The following GLIS3 variants were observed in gnomAD, a reference collection of about 807,000 sequenced individuals.
GLIS3 encodes GLIS family zinc finger 3, also known as zinc finger protein GLIS3.
A neutral mutation model predicts 78.6 loss-of-function variants in GLIS3; 53 were observed. The ratio of observed to expected loss-of-function variants is 0.67; its 90% CI spans 0.54 to 0.85. The LOEUF (loss-of-function observed/expected upper bound fraction) is 0.85. GLIS3 is among the 40% of genes least tolerant of loss of function. The pLI is 0.00. For missense variants in GLIS3, 1,703 were observed against 1,231.1 expected (o/e 1.38, Z -5.74); for synonymous variants, 684 against 509.9 (o/e 1.34, Z -4.60).
chr9:3,843,951 A>C (rs1818882186), intron 9 of GLIS3, among the ~76,000 whole-genome samples: 1 of 152,230 alleles, frequency 6.6e-6, no homozygotes, highest in Non-Finnish European at 1.5e-5. Flanking sequence ...ACATCTTGTA[A>C]GGCCTAGTTC....
chr9:3,831,129 C>G (rs549719357), intron 9 of GLIS3, among the ~76,000 whole-genome samples: 3 of 152,134 alleles, frequency 2.0e-5, no homozygotes, highest in African/African-American at 7.2e-5. Flanking sequence ...CTAGAGTGCA[C>G]TTTATATAGA....
At chr9:4,188,377 G>A (rs551794448) in intron 2 of GLIS3, among the ~76,000 whole-genome samples, 3,467 of 149,180 alleles carry the variant, frequency 0.023, 136 homozygotes, top group African/African-American at 0.081. Flanking sequence ...GCTTTTTGAT[G>A]TGCTGCTGGA....
At chr9:4,246,920 C>G (rs1823856611) in intron 2 of GLIS3, among the ~76,000 whole-genome samples, 1 of 152,114 alleles carries the variant, frequency 6.6e-6, no homozygotes, top group South Asian at 2.1e-4. Flanking sequence ...ATTGTTTACC[C>G]AAACATTGGC....
At chr9:3,876,080 GT>G (rs1821289238) in intron 8 of GLIS3, among the ~76,000 whole-genome samples, 1 of 152,004 alleles carries the variant, frequency 6.6e-6, no homozygotes, top group African/African-American at 2.4e-5. Flanking sequence ...TCCCCATAAG[GT>G]GCAATCTAAA....
At chr9:4,411,384 C>G in the GLIS3 span, among the ~76,000 whole-genome samples, 2 of 152,140 alleles carry the variant, frequency 1.3e-5, no homozygotes, top group Admixed American at 6.5e-5. Context: ...CAAAATATTA[C>G]CGGCAGTACT....
intron 5 of GLIS3, among the ~76,000 whole-genome samples, chr9:3,933,392 T>C (rs73386157): frequency 1.3e-5 from 2 of 152,108 alleles, no homozygotes; most frequent in African/African-American, 4.8e-5. Flanking sequence ...AATGAATGAA[T>C]TAAGAGCAGC....
intron 2 of GLIS3, among the ~76,000 whole-genome samples, chr9:4,164,129 G>A (rs1436999598): frequency 6.6e-6 from 1 of 152,272 alleles, no homozygotes; most frequent in East Asian, 1.9e-4. Context: ...ACATTTAACT[G>A]CCTCCTTCAA....
chr9:4,394,344 A>C, the GLIS3 span, among the ~76,000 whole-genome samples: 9 of 151,940 alleles, frequency 5.9e-5, no homozygotes, highest in African/African-American at 2.2e-4. Context: ...TTAAAAAATT[A>C]TTATTTAATC....
intron 4 of GLIS3, among the ~76,000 whole-genome samples, chr9:3,979,699 TC>T (rs1184346738): frequency 1.3e-5 from 2 of 152,168 alleles, no homozygotes; most frequent in African/African-American, 4.8e-5. Flanking sequence ...GTACCTGTTT[TC>T]CCCAACACTA....
Position 3,824,273 on chromosome 9 carries a change from C to T in GLIS3, c.*3999G>A, listed in dbSNP as rs542275971. On this transcript the variant is annotated 3_prime_UTR_variant, in exon 11 of 11. Transcript: ENST00000381971. ...ATCTATAATTAAATCCAGGCTACAG[C>T]TCTGGCCCAAAGCAATGCAGCATTT... 1 of 152,606 alleles carries T rather than the reference C, an allele frequency of 6.6e-6. No homozygotes were observed. The highest frequency in any genetic ancestry group is 2.1e-4 in the South Asian group (1 of 4,826). 9.5% of individuals were successfully genotyped at this position (152,606 alleles called of 1,614,324 possible).
chr9:4,395,448 G>A, the GLIS3 span, among the ~76,000 whole-genome samples: 4 of 152,056 alleles, frequency 2.6e-5, no homozygotes, highest in African/African-American at 9.7e-5. Context: ...GCCTCCAGTA[G>A]GCAGCCTGAG....
intron 4 of GLIS3, among the ~76,000 whole-genome samples, chr9:4,110,681 C>T (rs1371320651): frequency 2.0e-5 from 3 of 152,152 alleles, no homozygotes; most frequent in East Asian, 1.9e-4. Context: ...CTTCCCTACT[C>T]AGGCTCTGGG....
intron 2 of GLIS3, among the ~76,000 whole-genome samples, chr9:4,158,080 T>C (rs76773238): frequency 1.3e-4 from 20 of 152,182 alleles, no homozygotes; most frequent in Non-Finnish European, 2.9e-4. Context: ...TTAACACACA[T>C]GCCTCATCCA....
chr9:4,410,462 T>C, the GLIS3 span, among the ~76,000 whole-genome samples: 15 of 152,292 alleles, frequency 9.8e-5, no homozygotes, highest in African/African-American at 3.6e-4. Context: ...TTTAAGTATA[T>C]ATAAAGAATT....
chr9:3,942,367 A>G (rs1044637278), intron 4 of GLIS3, among the ~76,000 whole-genome samples: 10 of 152,210 alleles, frequency 6.6e-5, no homozygotes, highest in African/African-American at 2.2e-4. Context: ...GAACTGACTG[A>G]CGAAGTATAT....
intron 2 of GLIS3, among the ~76,000 whole-genome samples, chr9:4,266,927 A>C (rs1457931925): frequency 6.6e-6 from 1 of 152,180 alleles, no homozygotes; most frequent in Non-Finnish European, 1.5e-5. Context: ...TAAACCCATA[A>C]ATTTTACAGA....
At chr9:4,208,321 C>G (rs962900454) in intron 2 of GLIS3, among the ~76,000 whole-genome samples, 2 of 152,164 alleles carry the variant, frequency 1.3e-5, no homozygotes, top group Admixed American at 6.6e-5. Context: ...TTTTAAATCT[C>G]GAGACTGCAA....
chr9:4,106,062 C>T (rs957313089), intron 4 of GLIS3, among the ~76,000 whole-genome samples: 2 of 152,176 alleles, frequency 1.3e-5, no homozygotes, highest in Non-Finnish European at 2.9e-5. Context: ...ACAAACGGCA[C>T]CTGTCCCATT....
chr9:4,147,931 T>A (rs773168860), intron 2 of GLIS3, among the ~76,000 whole-genome samples: 3 of 152,220 alleles, frequency 2.0e-5, no homozygotes, highest in Non-Finnish European at 4.4e-5. Context: ...GTAAGTCAAC[T>A]TACTGTCGGC....
Sources: gnomAD v4.1 joint callset for allele counts (sites outside exome capture counted in the v4.1 genomes callset) on GRCh38, gnomAD v4.1.1 for gene constraint, MANE v1.5 for transcripts, NCBI Gene and HGNC (gene_info 2026-07-23, HGNC 2026-07-21) for gene names.